NOTCH1: variants seen among roughly 807,000 people sequenced by gnomAD.
The protein encoded by NOTCH1 is notch receptor 1, also known as neurogenic locus notch homolog protein 1.
Under a neutral mutation model 254.8 loss-of-function variants are expected in NOTCH1, and 37 were observed. That is an observed-to-expected ratio of 0.15 (90% CI 0.11 to 0.19). The LOEUF (loss-of-function observed/expected upper bound fraction) is 0.19, where lower values mean the gene tolerates loss of function less well. Ranked by LOEUF, NOTCH1 falls within the 10% of genes least tolerant of loss-of-function variation. The pLI is 1.00. For synonymous variants in NOTCH1, 1,731 were observed against 1,618.1 expected (o/e 1.07, Z -1.68); for missense variants, 2,972 against 3,708.6 (o/e 0.80, Z 5.16).
At chr9:136,534,152 G>T (rs929531823) in intron 2 of NOTCH1, among the ~76,000 whole-genome samples, 1 of 152,204 alleles carries the variant, frequency 6.6e-6, no homozygotes, top group African/African-American at 2.4e-5. Flanking sequence ...GGTGCATCCT[G>T]CAGGGCCGCT....
chr9:136,507,865 G>C (rs1302658443), intron 21 of NOTCH1, 90 bp downstream of exon 21: 5 of 1,399,888 alleles, frequency 3.6e-6, no homozygotes, highest in African/African-American at 1.4e-5. Flanking sequence ...ATCAGGTTCA[G>C]TTTTCTCCAC....
chr9:136,520,965 G>A (rs542470062), intron 4 of NOTCH1, among the ~76,000 whole-genome samples: 107 of 152,268 alleles, frequency 7.0e-4, no homozygotes, highest in African/African-American at 2.4e-3. Context: ...GCGACCCCAC[G>A]AGGAGACAGT....
At chr9:136,525,282 C>G (rs111434983) in intron 2 of NOTCH1, among the ~76,000 whole-genome samples, 1 of 152,214 alleles carries the variant, frequency 6.6e-6, no homozygotes. Context: ...GCATCTCCAC[C>G]CAGGCCTGGT....
At chr9:136,499,976 T>G (rs1842971658) in intron 31 of NOTCH1, among the ~76,000 whole-genome samples, 1 of 152,196 alleles carries the variant, frequency 6.6e-6, no homozygotes, top group African/African-American at 2.4e-5. Flanking sequence ...CATCTGAACC[T>G]GCTTGCTCCA....
chr9:136,502,527 A>T, intron 27 of NOTCH1, 39 bp from the exon 28 acceptor site: 1 of 1,394,794 alleles, frequency 7.2e-7, no homozygotes, highest in Non-Finnish European at 9.5e-7. Flanking sequence ...CCCGGACATC[A>T]GGCAGCGGCT....
Position 136,504,896 on chromosome 9 carries a change from C to A in NOTCH1, c.4795G>T (p.Val1599Leu). ...SFHFLRELSR[V>L]LHTNVVFKRD... ...TTGAAGACCACGTTGGTGTGCAGCA[C>A]GCGGCTGAGCTCCCGCAGGAAGTGG... is the stretch of plus-strand genomic sequence containing the variant. Residue 1599 changes from valine (V) to leucine (L), a missense_variant, in exon 26 of 34, where the codon GTG (valine) becomes TTG (leucine). This residue lies in a region of NOTCH1 where 1,343 missense variants were observed against 1,557.0 expected (regional missense o/e 0.86). Transcript: ENST00000651671. The A allele has an allele frequency of 6.3e-7, 1 of 1,584,424 alleles. No individual in the cohort carries two copies. Among genetic ancestry groups the A allele is most frequent in the Non-Finnish European group, 8.6e-7 (1 of 1,165,958 alleles).
At chr9:136,501,212 T>C (rs2133327534) in intron 30 of NOTCH1, among the ~76,000 whole-genome samples, 1 of 152,210 alleles carries the variant, frequency 6.6e-6, no homozygotes, top group East Asian at 1.9e-4. Context: ...GGTGGGCGGA[T>C]CACCTGAGGT....
At chr9:136,519,142 G>A (rs754554288) in intron 5 of NOTCH1, among the ~76,000 whole-genome samples, 14 of 152,236 alleles carry the variant, frequency 9.2e-5, no homozygotes, top group Non-Finnish European at 1.8e-4. Context: ...GCCTGAGTGG[G>A]GTGCTGAAGG....
intron 31 of NOTCH1, among the ~76,000 whole-genome samples, chr9:136,500,136 C>A (rs576093953): frequency 2.0e-5 from 3 of 152,234 alleles, no homozygotes; most frequent in East Asian, 3.8e-4. Context: ...CTGCAGGCAC[C>A]GAGCGGCAGC....
chr9:136,512,860 C>T (rs2133357468), intron 15 of NOTCH1, among the ~76,000 whole-genome samples, 161 bp downstream of exon 15: 1 of 152,230 alleles, frequency 6.6e-6, no homozygotes, highest in African/African-American at 2.4e-5. Flanking sequence ...GAAGGCCCCG[C>T]CCCAAGAAAG....
Position 136,507,347 on chromosome 9 carries a change from G to A in NOTCH1, c.3601C>T (p.Leu1201Phe), listed in dbSNP as rs755337760. Reference sequence around the variant, plus strand: ...CAGGAGCACTTGTAGGTGTTGGGGAGGTCGAGGCAGGTGCCCCCGTTCTGG... The same window carrying A: ...CAGGAGCACTTGTAGGTGTTGGGGAAGTCGAGGCAGGTGCCCCCGTTCTGG... Reference protein sequence around the residue: ...PCQNGGTCLDLPNTYKCSCPR... With the variant: ...PCQNGGTCLDFPNTYKCSCPR... The change falls in exon 22 of 34, where the codon CTC (leucine) becomes TTC (phenylalanine). Residue 1201 changes from leucine to phenylalanine, a missense_variant. By Grantham distance (22) the Leu-to-Phe change is conservative. Around this residue, in one of 8 missense-constraint regions of NOTCH1, gnomAD observed 1,343 missense variants for 1,557.0 expected, o/e 0.86. Coordinates refer to ENST00000651671, the MANE Select transcript of NOTCH1 (RefSeq NM_017617.5). 3.1e-6 allele frequency: 5 copies of A among 1,612,822 alleles called. No homozygotes were observed. The South Asian group carries it at 5.5e-5, about 18-fold the overall frequency.
intron 4 of NOTCH1, chr9:136,522,509 C>T (rs959804037): frequency 1.2e-5 from 4 of 328,656 alleles, no homozygotes; most frequent in African/African-American, 6.5e-5. Flanking sequence ...ACGCCCTCTC[C>T]GGCCCCAGCC....
Position 136,498,233 on chromosome 9 carries a change from G to A in NOTCH1, c.6180+666C>T, listed in dbSNP as rs542951553. Among the ~76,000 whole-genome samples the A allele has an allele frequency of 7.3e-3, 1,106 of 150,684 alleles. 13 individuals carry two copies. Among genetic ancestry groups the A allele is most frequent in the Non-Finnish European group, 9.8e-3 (664 of 67,440 alleles). On this transcript the variant is annotated intron_variant, in intron 33 of 33. Transcript: ENST00000651671. ...CTGACATGCCAAGGGGGCAGCAGGA[G>A]TTGGGGGCGGGGGTGGGGGTTCTGG...
At chr9:136,536,461 C>T (rs568538482) in intron 2 of NOTCH1, among the ~76,000 whole-genome samples, 2 of 152,300 alleles carry the variant, frequency 1.3e-5, no homozygotes, top group South Asian at 4.1e-4. Flanking sequence ...GCCAATCACA[C>T]AGAGCTCTGT....
At chr9:136,522,412 GCCTA>G (rs760667861) in intron 4 of NOTCH1, among the ~76,000 whole-genome samples, 17 of 152,280 alleles carry the variant, frequency 1.1e-4, no homozygotes, top group East Asian at 1.9e-4. Flanking sequence ...AGGCGGCTGC[GCCTA>G]CCTGTCACCC....
chr9:136,527,543 T>C (rs560703798), intron 2 of NOTCH1, among the ~76,000 whole-genome samples: 1 of 152,258 alleles, frequency 6.6e-6, no homozygotes, highest in Admixed American at 6.5e-5. Context: ...TCAGGGGCGG[T>C]GGGGAGACCC....
intron 9 of NOTCH1, 39 bp from the exon 10 acceptor site, chr9:136,516,133 C>T (rs773524511): frequency 1.3e-6 from 2 of 1,498,056 alleles, no homozygotes; most frequent in Admixed American, 1.7e-5. Flanking sequence ...TCATGTGCAA[C>T]AGCACTATGG....
chr9:136,509,626 G>T, intron 18 of NOTCH1, 107 bp downstream of exon 18: 1 of 986,816 alleles, frequency 1.0e-6, no homozygotes, highest in Non-Finnish European at 1.6e-6. Context: ...AGCGCTAAGT[G>T]CCCAGCCGGC....
At chr9:136,523,271 G>A (rs1322370063) in intron 3 of NOTCH1, 83 bp from the exon 4 acceptor site, 3 of 1,376,788 alleles carry the variant, frequency 2.2e-6, no homozygotes, top group African/African-American at 1.4e-5. Context: ...CCACCTGGAG[G>A]TGCCAGCCTG....
Sources: allele counts gnomAD v4.1 joint callset (sites outside exome capture counted in the v4.1 genomes callset), GRCh38; gene constraint gnomAD v4.1.1; regional missense constraint gnomAD v4.1.1; transcripts MANE v1.5; gene names NCBI Gene and HGNC (gene_info 2026-07-23, HGNC 2026-07-21).